RAB4A: variants seen among roughly 807,000 people sequenced by gnomAD.
RAB4A encodes the protein RAB4A, member RAS oncogene family, also known as ras-related protein Rab-4A.
Under a neutral mutation model 34.5 loss-of-function variants are expected in RAB4A, and 20 were observed. The ratio of observed to expected loss-of-function variants is 0.58; its 90% confidence interval spans 0.41 to 0.84. The LOEUF (loss-of-function observed/expected upper bound fraction) is 0.84, where lower values mean the gene tolerates loss of function less well. RAB4A is among the 40% of genes least tolerant of loss of function. RAB4A has a pLI of 0.00. For synonymous variants in RAB4A, 102 were observed against 100.0 expected, an observed-to-expected ratio of 1.02 and a Z score of -0.12; for missense variants, 228 against 274.5, an observed-to-expected ratio of 0.83 and a Z score of 1.20.
chr1:229,281,843 T>G (rs1656787635), intron 1 of RAB4A, among the ~76,000 whole-genome samples: 1 of 141,336 alleles, frequency 7.1e-6, no homozygotes, highest in Non-Finnish European at 1.5e-5. Context: ...TATATATATA[T>G]ATATCATAGT....
chr1:229,288,744 A>G lies in RAB4A; in HGVS notation c.128A>G (p.Asn43Ser), dbSNP rs1656987013. 1.9e-6 allele frequency: 3 copies of G among 1,551,400 alleles called. No homozygotes were observed. The highest frequency in any genetic ancestry group is 2.7e-6 in the Non-Finnish European group (3 of 1,131,534). Reference protein sequence around the residue: ...FIEKKFKDDSNHTIGVEFGSK... With the variant: ...FIEKKFKDDSSHTIGVEFGSK... ...TCTTTTTTAGTCAAAGATGACTCAA[A>G]TCATACAATAGGAGTGGAATTTGGT... The change falls in exon 3 of 8, where the codon AAT (asparagine) becomes AGT (serine). Residue 43 changes from asparagine to serine, a missense_variant. By Grantham distance (46) the Asn-to-Ser change is conservative (BLOSUM62 1). Transcript: ENST00000366690.
chr1:229,282,154 T>C (rs1359276908), intron 1 of RAB4A, among the ~76,000 whole-genome samples: 2 of 152,112 alleles, frequency 1.3e-5, no homozygotes, highest in African/African-American at 2.4e-5. Flanking sequence ...TTTTTTTAAA[T>C]CAGAGAATGT....
chr1:229,303,031 C>A, intron 7 of RAB4A, 42 bp downstream of exon 7: 1 of 1,401,664 alleles, frequency 7.1e-7, no homozygotes, highest in South Asian at 1.2e-5. Context: ...CTGGCAAGCT[C>A]AAGTGCAGAG....
In RAB4A at chr1:229,279,242, T is replaced by C. The variant is rs376816933; in HGVS notation, c.32-7244T>C. ...TACATCCGTGCTTCCTTTCTGACAT[T>C]TGGAAATCTTGAAAGCAAGACGATT... On this transcript the variant is annotated intron_variant, in intron 1 of 7. Coordinates refer to ENST00000366690, the MANE Select transcript of RAB4A (RefSeq NM_004578.4). Among the ~76,000 whole-genome samples, 12 of 152,300 alleles carry C rather than the reference T, an allele frequency of 7.9e-5. No homozygotes were observed. The South Asian group carries it at 2.5e-3, about 32-fold the overall frequency.
chr1:229,284,875 A>G (rs1656883162), intron 1 of RAB4A, among the ~76,000 whole-genome samples: 2 of 151,618 alleles, frequency 1.3e-5, no homozygotes, highest in African/African-American at 4.9e-5. Context: ...GTTTCCTTCA[A>G]TCCTCCATGT....
chr1:229,273,110 A>G (rs1159529234), intron 1 of RAB4A, among the ~76,000 whole-genome samples: 1 of 152,218 alleles, frequency 6.6e-6, no homozygotes, highest in Admixed American at 6.5e-5. Context: ...ACGGAGCACT[A>G]GGGGAAGGGT....
intron 5 of RAB4A, 38 bp downstream of exon 5, chr1:229,297,674 C>G (rs760141614): frequency 6.6e-7 from 1 of 1,515,260 alleles, no homozygotes; most frequent in Non-Finnish European, 8.9e-7. Flanking sequence ...TTTCAAATCG[C>G]ATATTTGAGG....
chr1:229,302,719 CAT>C, intron 6 of RAB4A, 141 bp from the exon 7 acceptor site: 1 of 577,450 alleles, frequency 1.7e-6, no homozygotes, highest in Non-Finnish European at 3.0e-6. Context: ...TGCAAGCAAA[CAT>C]ATATATAGTT....
At chr1:229,302,634 T>G (rs1186579400) in intron 6 of RAB4A, among the ~76,000 whole-genome samples, 1 of 151,806 alleles carries the variant, frequency 6.6e-6, no homozygotes, top group East Asian at 1.9e-4. Context: ...TACCACCCCC[T>G]CCTGTCCTCA....
chr1:229,299,176 T>C (rs1420991985), intron 6 of RAB4A, 104 bp downstream of exon 6: 5 of 797,216 alleles, frequency 6.3e-6, no homozygotes, highest in Admixed American at 6.3e-5. Flanking sequence ...GTAAAGAATG[T>C]TCTCTCTCTA....
chr1:229,297,772 T>G (rs1571835220), intron 5 of RAB4A, 136 bp downstream of exon 5: 2 of 1,036,804 alleles, frequency 1.9e-6, no homozygotes, highest in Non-Finnish European at 2.7e-6. Context: ...AATTGTTTTT[T>G]TCTATAAATT....
intron 1 of RAB4A, among the ~76,000 whole-genome samples, chr1:229,276,214 C>T (rs1258042490): frequency 6.6e-6 from 1 of 151,302 alleles, no homozygotes; most frequent in Non-Finnish European, 1.5e-5. Context: ...CTAATGTGCA[C>T]ACGAGTCCCC....
chr1:229,305,078 T>C lies in RAB4A; in HGVS notation c.*1285T>C. 1 of 1,462,682 alleles carries C rather than the reference T, an allele frequency of 6.8e-7. No individual in the cohort carries two copies. Among genetic ancestry groups the C allele is most frequent in the African/African-American group, 1.5e-5 (1 of 68,502 alleles). 90.6% of individuals were successfully genotyped at this position (1,462,682 alleles called of 1,614,324 possible). ...TAACTTTTAGTTAGAAGATGCCTAC[T>C]GCTTTTGTTGTTTATTTTAATCAGC... On this transcript the variant is annotated 3_prime_UTR_variant, in exon 8 of 8. Transcript: ENST00000366690.
intron 7 of RAB4A, among the ~76,000 whole-genome samples, chr1:229,303,338 G>A (rs1657467083): frequency 6.6e-6 from 1 of 151,350 alleles, no homozygotes; most frequent in Admixed American, 6.6e-5. Flanking sequence ...CAGCCTGGGC[G>A]ATAAAGTGAG....
At chr1:229,283,164 CAT>C (rs1347950053) in intron 1 of RAB4A, among the ~76,000 whole-genome samples, 4 of 152,214 alleles carry the variant, frequency 2.6e-5, no homozygotes, top group Non-Finnish European at 5.9e-5. Context: ...TCCATTGACA[CAT>C]GAGAGGAATT....
chr1:229,272,376 G>A (rs1656513479), intron 1 of RAB4A, among the ~76,000 whole-genome samples: 1 of 152,092 alleles, frequency 6.6e-6, no homozygotes, highest in Non-Finnish European at 1.5e-5. Context: ...CAAATACTGT[G>A]GAATGGCATT....
intron 7 of RAB4A, among the ~76,000 whole-genome samples, chr1:229,303,486 A>C (rs1324180368): frequency 6.6e-6 from 1 of 152,164 alleles, no homozygotes; most frequent in Non-Finnish European, 1.5e-5. Flanking sequence ...GTGGTGGTTG[A>C]TGGGAAGGGT....
intron 2 of RAB4A, among the ~76,000 whole-genome samples, chr1:229,288,392 A>G (rs1656979949): frequency 3.9e-5 from 6 of 152,230 alleles, no homozygotes. Flanking sequence ...TCAGAATGGT[A>G]CGCTGGTATG....
intron 3 of RAB4A, among the ~76,000 whole-genome samples, chr1:229,292,244 AAAAG>A (rs148985669): frequency 0.02 from 3,073 of 151,598 alleles, 115 homozygotes; most frequent in African/African-American, 0.071. Flanking sequence ...AAGGAAAAAA[AAAAG>A]AAAATTTAAC....
Sources: allele counts gnomAD v4.1 joint callset (sites outside exome capture counted in the v4.1 genomes callset), GRCh38; gene constraint gnomAD v4.1.1; transcripts MANE v1.5; gene names NCBI Gene and HGNC (gene_info 2026-07-23, HGNC 2026-07-21).